Variants in ADGRV1 observed in about 807,000 individuals in gnomAD.
ADGRV1 encodes adhesion G protein-coupled receptor V1, also known as G-protein coupled receptor 98.
Under a neutral mutation model 596.2 loss-of-function variants are expected in ADGRV1, and 359 were observed. The ratio of observed to expected loss-of-function variants is 0.60; its 90% CI spans 0.55 to 0.66. ADGRV1 has a LOEUF of 0.66. Among genes scored for constraint, ADGRV1 ranks in the 30% least tolerant of loss-of-function variants. ADGRV1 has a pLI of 0.00. For missense variants in ADGRV1, 7,274 were observed against 7,575.6 expected (o/e 0.96, Z 1.48); for synonymous variants, 2,681 against 2,679.2 (o/e 1.00, Z -0.02).
chr5:90,927,013 C>T (rs1442765203), intron 83 of ADGRV1, among the ~76,000 whole-genome samples: 1 of 149,648 alleles, frequency 6.7e-6, no homozygotes, highest in African/African-American at 2.5e-5. Context: ...TTGTTATAAT[C>T]TCTGTTCTTT....
chr5:91,035,871 A>G (rs1361963141), intron 85 of ADGRV1, among the ~76,000 whole-genome samples: 1 of 129,960 alleles, frequency 7.7e-6, no homozygotes, highest in African/African-American at 2.7e-5. Flanking sequence ...TTATATATAT[A>G]TATATATATA....
chr5:90,742,511 G>A (rs1376767299), intron 50 of ADGRV1, among the ~76,000 whole-genome samples: 1 of 152,118 alleles, frequency 6.6e-6, no homozygotes, highest in Admixed American at 6.6e-5. Context: ...ATCAGATAGG[G>A]ACTTAAAGGA....
intron 58 of ADGRV1, among the ~76,000 whole-genome samples, chr5:90,761,689 T>C (rs950185319): frequency 5.3e-5 from 8 of 152,240 alleles, no homozygotes. Context: ...TCGTTACAGC[T>C]ACAAATTTTC....
Position 90,637,744 on chromosome 5 carries a change from G to C in ADGRV1, c.2036G>C (p.Arg679Pro). ...TATAAGGTATACATTCCCTTACATC[G>C]GGATGGAACTGATGGCCAGGCTACT... ...AAEVVYIPLHRDGTDGQATVY... is the reference protein window; with the variant it reads ...AAEVVYIPLHPDGTDGQATVY... The change falls in exon 11 of 90, where the codon CGG (arginine) becomes CCG (proline). Residue 679 changes from arginine to proline, a missense_variant. Coordinates refer to ENST00000405460, the MANE Select transcript of ADGRV1 (RefSeq NM_032119.4). 1 of 1,609,978 alleles carries C rather than the reference G, an allele frequency of 6.2e-7. No individual in the cohort carries two copies. Among genetic ancestry groups the C allele is most frequent in the Non-Finnish European group, 8.5e-7 (1 of 1,178,202 alleles).
chr5:90,759,108 A>G (rs545794722), intron 57 of ADGRV1, among the ~76,000 whole-genome samples: 8 of 152,308 alleles, frequency 5.3e-5, no homozygotes, highest in Non-Finnish European at 1.0e-4. Context: ...TATCACATCA[A>G]TAATGTTTTA....
At chr5:90,867,320 C>T (rs1158034476) in intron 83 of ADGRV1, among the ~76,000 whole-genome samples, 1 of 152,162 alleles carries the variant, frequency 6.6e-6, no homozygotes, top group Admixed American at 6.5e-5. Flanking sequence ...AACACATTTT[C>T]TGAAACTAAA....
intron 86 of ADGRV1, among the ~76,000 whole-genome samples, chr5:91,085,698 G>A (rs761606496): frequency 3.9e-5 from 6 of 152,064 alleles, no homozygotes; most frequent in Non-Finnish European, 8.8e-5. Flanking sequence ...TTGTTTCATT[G>A]AATTTTCCAC....
rs753086932 is a variant in ADGRV1 at position 90,708,854 on chromosome 5, T to C, written c.8769T>C (p.Asn2923=). 30 of 1,612,530 alleles carry C rather than the reference T, an allele frequency of 1.9e-5. No individual in the cohort carries two copies. The highest frequency in any genetic ancestry group is 2.5e-5 in the Non-Finnish European group (30 of 1,178,966). The change falls in exon 39 of 90, where the codon AAT becomes AAC. Residue 2923 remains asparagine, a synonymous_variant. Transcript: ENST00000405460. ...AGCTAGAAGAATATTTCCTGGTGAATTTAACTTACGTTGGACTTACCATGG... is the reference window on the plus strand; with the variant it reads ...AGCTAGAAGAATATTTCCTGGTGAACTTAACTTACGTTGGACTTACCATGG... ...VPELEEYFLV[N]LTYVGLTMAA...
chr5:90,663,902 T>A (rs1770841302), intron 21 of ADGRV1, among the ~76,000 whole-genome samples: 1 of 151,854 alleles, frequency 6.6e-6, no homozygotes, highest in African/African-American at 2.4e-5. Context: ...TTCTCAAGTT[T>A]GTCAAAGATC....
rs1262264582 is a variant in ADGRV1 at position 90,564,587 on chromosome 5, C to G, written c.22+5670C>G. On this transcript the variant is annotated intron_variant, in intron 1 of 89. Transcript: ENST00000405460. ...TCACATATGAAAAACAATCACCTTT[C>G]AAAGTACACATTTCCATGGCGTTTA... is the stretch of plus-strand genomic sequence containing the variant. Among the ~76,000 whole-genome samples, 5 of 151,630 alleles carry G rather than the reference C, an allele frequency of 3.3e-5. No individual in the cohort carries two copies. In the East Asian group the frequency reaches 7.8e-4, roughly 24 times the overall value.
intron 77 of ADGRV1, among the ~76,000 whole-genome samples, chr5:90,830,309 G>C (rs1367204835): frequency 6.6e-6 from 1 of 152,144 alleles, no homozygotes; most frequent in Non-Finnish European, 1.5e-5. Context: ...ACAAAGTGAA[G>C]TATGTTGATT....
intron 1 of ADGRV1, among the ~76,000 whole-genome samples, chr5:90,570,846 A>G (rs1306500709): frequency 6.6e-6 from 1 of 151,928 alleles, no homozygotes; most frequent in African/African-American, 2.4e-5. Flanking sequence ...TTATATAGAC[A>G]TGATTTCCCT....
intron 29 of ADGRV1, among the ~76,000 whole-genome samples, chr5:90,688,400 C>G (rs1390637154): frequency 1.3e-5 from 2 of 152,128 alleles, no homozygotes; most frequent in African/African-American, 4.8e-5. Flanking sequence ...CTCTGTCACC[C>G]AGGGTGGAGT....
In ADGRV1 at chr5:90,729,687, C is replaced by G. The variant is rs1752282068; in HGVS notation, c.10472C>G (p.Ser3491Cys). ...ATTTTCATCTGGGAGATGGGACAGTCTTCCTTCAGGTATTTTCAGTCTGTA... is the reference window on the plus strand; with the variant it reads ...ATTTTCATCTGGGAGATGGGACAGTGTTCCTTCAGGTATTTTCAGTCTGTA... The part of the protein sequence containing the change: ...IDIFIWEMGQ[S>C]SFRYFQSVDF... The change falls in exon 50 of 90, where the codon TCT becomes TGT. Residue 3491 changes from serine to cysteine, a missense_variant. Transcript: ENST00000405460. 1.2e-6 allele frequency: 2 copies of G among 1,606,858 alleles called. No individual in the cohort carries two copies. The highest frequency in any genetic ancestry group is 1.7e-6 in the Non-Finnish European group (2 of 1,173,848).
intron 67 of ADGRV1, among the ~76,000 whole-genome samples, chr5:90,787,614 G>A (rs1208107757): frequency 8.2e-6 from 1 of 121,242 alleles, no homozygotes; most frequent in African/African-American, 3.1e-5. Flanking sequence ...TTTTTGAGAT[G>A]GAGTTTCGCT....
intron 87 of ADGRV1, among the ~76,000 whole-genome samples, chr5:91,109,454 T>C (rs566305595): frequency 3.3e-5 from 5 of 152,332 alleles, no homozygotes; most frequent in Admixed American, 3.3e-4. Context: ...CTTTATTTTA[T>C]GTCAAAAGAG....
At chr5:90,561,068 C>G (rs753109924) in intron 1 of ADGRV1, among the ~76,000 whole-genome samples, 51 of 152,202 alleles carry the variant, frequency 3.4e-4, no homozygotes, top group Middle Eastern at 6.8e-3. Context: ...CGTTGTATGC[C>G]AGGAATTCTC....
At chr5:91,071,764 T>C (rs560125798) in intron 85 of ADGRV1, among the ~76,000 whole-genome samples, 1 of 152,180 alleles carries the variant, frequency 6.6e-6, no homozygotes, top group East Asian at 1.9e-4. Context: ...AACCTCTGCC[T>C]CCCGGTTTCA....
intron 85 of ADGRV1, among the ~76,000 whole-genome samples, chr5:90,998,890 G>A (rs60553973): frequency 0.11 from 17,252 of 152,010 alleles, 1,196 homozygotes; most frequent in East Asian, 0.23. Flanking sequence ...TATTAGTTAT[G>A]TTTTAATAGC....
Sources: allele counts gnomAD v4.1 joint callset (sites outside exome capture counted in the v4.1 genomes callset), GRCh38; gene constraint gnomAD v4.1.1; transcripts MANE v1.5; gene names NCBI Gene and HGNC (gene_info 2026-07-23, HGNC 2026-07-21).